Variants in SLC24A2 observed in about 807,000 individuals in gnomAD.
SLC24A2 encodes solute carrier family 24 member 2.
SLC24A2 carries 36 observed loss-of-function variants against 62.0 expected under a neutral mutation model. That is an observed-to-expected ratio of 0.58 (90% CI 0.44 to 0.77). The LOEUF is 0.77. SLC24A2 is among the 30% of genes least tolerant of loss of function. SLC24A2 has a pLI of 0.00. For synonymous variants in SLC24A2, 358 were observed against 294.0 expected (o/e 1.22, Z -2.23); for missense variants, 846 against 817.9 (o/e 1.03, Z -0.42).
rs551368722 is a variant in SLC24A2 at position 19,566,430 on chromosome 9, T to C, written c.1347+6921A>G. 4.8e-4 allele frequency among the ~76,000 whole-genome samples: 71 copies of C among 148,852 alleles called. 1 individual carries two copies. The East Asian group carries it at 0.014, about 29-fold the overall frequency. ...CAGTGAGATACCATCTCACACCAGT[T>C]AGAATGGCAATCATTAAAAAGTCAG... On this transcript the variant is annotated intron_variant, in intron 7 of 10. Coordinates refer to ENST00000341998, the MANE Select transcript of SLC24A2 (RefSeq NM_020344.4).
chr9:19,746,156 C>T lies in SLC24A2; in HGVS notation c.930+39781G>A, dbSNP rs1297109627. On this transcript the variant is annotated intron_variant, in intron 2 of 10. Coordinates refer to ENST00000341998, the MANE Select transcript of SLC24A2 (RefSeq NM_020344.4). ...TGCATGTGAGTGCAGATGCAATCCT[C>T]TTTCAATTACAGGACACAACACTGT... 7.9e-5 allele frequency among the ~76,000 whole-genome samples: 12 copies of T among 151,602 alleles called. No homozygotes were observed. In the East Asian group the frequency reaches 2.3e-3, roughly 29 times the overall value.
At chr9:20,291,349 G>A in the SLC24A2 span, among the ~76,000 whole-genome samples, 16 of 152,146 alleles carry the variant, frequency 1.1e-4, no homozygotes, top group African/African-American at 3.9e-4. Context: ...AAATGAAAAG[G>A]AGAAAGGTAC....
chr9:19,809,751 C>T, the SLC24A2 span, among the ~76,000 whole-genome samples: 1 of 152,136 alleles, frequency 6.6e-6, no homozygotes, highest in East Asian at 1.9e-4. Context: ...CCTGATCGAA[C>T]CGATCTGTGA....
chr9:19,709,788 A>G lies in SLC24A2; in HGVS notation c.930+76149T>C, dbSNP rs559346280. Among the ~76,000 whole-genome samples the G allele has an allele frequency of 3.3e-5, 5 of 150,960 alleles. No homozygotes were observed. In the East Asian group the frequency reaches 7.9e-4, roughly 24 times the overall value. On this transcript the variant is annotated intron_variant, in intron 2 of 10. Transcript: ENST00000341998. Reference sequence around the variant, plus strand: ...GGGGGGAGGGATAGCATTAGGAGATATACCTAATGCTAAATGAGGAGTTAA... The same window carrying G: ...GGGGGGAGGGATAGCATTAGGAGATGTACCTAATGCTAAATGAGGAGTTAA...
chr9:19,806,917 C>A, the SLC24A2 span, among the ~76,000 whole-genome samples: 81 of 152,276 alleles, frequency 5.3e-4, no homozygotes, highest in East Asian at 0.013. Flanking sequence ...AAAATAAAGA[C>A]TCCGTACTAG....
the SLC24A2 span, among the ~76,000 whole-genome samples, chr9:20,097,467 G>C: frequency 6.6e-6 from 1 of 152,022 alleles, no homozygotes; most frequent in Non-Finnish European, 1.5e-5. Flanking sequence ...TGGATGTTGG[G>C]AGTCAATTTA....
chr9:19,583,118 C>A (rs951417680), intron 5 of SLC24A2, among the ~76,000 whole-genome samples: 1 of 152,172 alleles, frequency 6.6e-6, no homozygotes, highest in Non-Finnish European at 1.5e-5. Flanking sequence ...CTTACTGATT[C>A]TGTGCAGTGA....
chr9:20,032,147 C>T, the SLC24A2 span, among the ~76,000 whole-genome samples: 4 of 152,108 alleles, frequency 2.6e-5, no homozygotes, highest in Admixed American at 2.0e-4. Flanking sequence ...TTTTTGTTAC[C>T]CTGGACCTTT....
the SLC24A2 span, among the ~76,000 whole-genome samples, chr9:19,923,542 C>A: frequency 6.6e-6 from 1 of 152,106 alleles, no homozygotes; most frequent in African/African-American, 2.4e-5. Flanking sequence ...TTTATTAGCC[C>A]ACCTTGGAAG....
chr9:19,881,397 G>C, the SLC24A2 span, among the ~76,000 whole-genome samples: 1 of 152,154 alleles, frequency 6.6e-6, no homozygotes, highest in Non-Finnish European at 1.5e-5. Context: ...TGAAGCCTGA[G>C]AACCATCTAC....
chr9:19,760,709 T>C (rs1822294778), intron 2 of SLC24A2, among the ~76,000 whole-genome samples: 2 of 152,176 alleles, frequency 1.3e-5, no homozygotes, highest in Admixed American at 1.3e-4. Context: ...GTCTTTTTTA[T>C]GGCTGCATAG....
chr9:19,929,967 G>A, the SLC24A2 span: 842 of 152,074 alleles, frequency 5.5e-3, 7 homozygotes, highest in African/African-American at 0.018. Context: ...AAATATTTTC[G>A]TATAGCTATA....
rs557118405 is a variant in SLC24A2, at chr9:19,622,536, G to C, written c.931-237C>G. Among the ~76,000 whole-genome samples, 7 of 152,240 alleles carry C rather than the reference G, an allele frequency of 4.6e-5. No homozygotes were observed. In the South Asian group the frequency reaches 1.5e-3, roughly 32 times the overall value. The stretch of plus-strand genomic sequence containing the variant: ...AAGGTCAAAGTTGAATGGCCAACCC[G>C]AATGTCCAGCAATACAGAGCAGTTA... On this transcript the variant is annotated intron_variant, in intron 2 of 10. Transcript: ENST00000341998.
At chr9:20,197,400 T>C in the SLC24A2 span, among the ~76,000 whole-genome samples, 1 of 151,554 alleles carries the variant, frequency 6.6e-6, no homozygotes, top group African/African-American at 2.4e-5. Flanking sequence ...ATTCTGCTAA[T>C]TGGGATGATG....
At chr9:19,864,353 C>A in the SLC24A2 span, among the ~76,000 whole-genome samples, 2 of 151,522 alleles carry the variant, frequency 1.3e-5, no homozygotes, top group East Asian at 3.9e-4. Flanking sequence ...GATACCCAAA[C>A]AAGACAAAGA....
At chr9:20,000,781 AAG>A in the SLC24A2 span, among the ~76,000 whole-genome samples, 8 of 152,206 alleles carry the variant, frequency 5.3e-5, no homozygotes, top group Non-Finnish European at 1.2e-4. Context: ...CCTAGAGACT[AAG>A]TTAACAGTAA....
At chr9:20,067,539 C>T in the SLC24A2 span, among the ~76,000 whole-genome samples, 7 of 152,024 alleles carry the variant, frequency 4.6e-5, no homozygotes, top group African/African-American at 1.4e-4. Flanking sequence ...ACTCTCTCTC[C>T]TTCTCCCATC....
chr9:19,548,303 C>T (rs1261282125), intron 8 of SLC24A2, among the ~76,000 whole-genome samples: 1 of 152,032 alleles, frequency 6.6e-6, no homozygotes, highest in Non-Finnish European at 1.5e-5. Context: ...TGTGGCATCA[C>T]TAAATATGAA....
chr9:20,003,669 G>A, the SLC24A2 span, among the ~76,000 whole-genome samples: 1 of 152,160 alleles, frequency 6.6e-6, no homozygotes, highest in South Asian at 2.1e-4. Flanking sequence ...CTTTATGCTT[G>A]TGGGTCATAG....
Sources: gnomAD v4.1 joint callset for allele counts (sites outside exome capture counted in the v4.1 genomes callset) on GRCh38, gnomAD v4.1.1 for gene constraint, MANE v1.5 for transcripts, NCBI Gene and HGNC (gene_info 2026-07-23, HGNC 2026-07-21) for gene names.